The following THSD7B variants were observed in gnomAD, a reference collection of about 807,000 sequenced individuals.
THSD7B encodes thrombospondin type-1 domain-containing protein 7B.
A neutral mutation model predicts 213.6 loss-of-function variants in THSD7B; 138 were observed. That is an observed-to-expected ratio of 0.65 (90% confidence interval 0.56 to 0.74). The LOEUF (loss-of-function observed/expected upper bound fraction) is 0.74, where lower values mean the gene tolerates loss of function less well. THSD7B is among the 30% of genes least tolerant of loss of function. THSD7B has a pLI of 0.00. For missense variants in THSD7B, 1,931 were observed against 1,991.5 expected, an observed-to-expected ratio of 0.97 and a Z score of 0.58; for synonymous variants, 742 against 687.0, an observed-to-expected ratio of 1.08 and a Z score of -1.25.
At chr2:137,293,972 C>A (rs193116481) in intron 12 of THSD7B, among the ~76,000 whole-genome samples, 54 of 152,216 alleles carry the variant, frequency 3.5e-4, no homozygotes, top group African/African-American at 1.2e-3. Flanking sequence ...TTGTAGCTCA[C>A]TTGGCCCTAA....
At chr2:137,585,776 G>C (rs1313338174) in intron 17 of THSD7B, among the ~76,000 whole-genome samples, 1 of 152,120 alleles carries the variant, frequency 6.6e-6, no homozygotes, top group Non-Finnish European at 1.5e-5. Flanking sequence ...GTCAATTTAG[G>C]AATAGGTGCG....
chr2:137,335,779 G>A (rs1684625528), intron 12 of THSD7B, among the ~76,000 whole-genome samples: 1 of 152,262 alleles, frequency 6.6e-6, no homozygotes, highest in African/African-American at 2.4e-5. Flanking sequence ...ACAGAGAATG[G>A]TGATTAGAAT....
intron 15 of THSD7B, among the ~76,000 whole-genome samples, chr2:137,495,060 G>A (rs1054087163): frequency 3.3e-5 from 5 of 152,068 alleles, no homozygotes; most frequent in African/African-American, 1.2e-4. Context: ...CAGTCTAATT[G>A]TTTGTTGTTT....
At position 137,615,360 on chromosome 2, in the gene THSD7B, G is replaced by C. The variant is rs962992653; in HGVS notation, c.3424-815G>C. Among the ~76,000 whole-genome samples, 11 of 152,324 alleles carry C rather than the reference G, an allele frequency of 7.2e-5. 1 individual carries two copies. The highest frequency in any genetic ancestry group is 6.2e-4 in the South Asian group (3 of 4,826). On this transcript the variant is annotated intron_variant, in intron 17 of 27. Transcript: ENST00000409968. ...TGTTAGAAAAAAGACTGACAGGAGT[G>C]AGGCTTGATTAGTGTTCTGAAAACG... is the stretch of plus-strand genomic sequence containing the variant.
At chr2:137,166,562 G>A (rs35924191) in intron 6 of THSD7B, among the ~76,000 whole-genome samples, 9,404 of 152,248 alleles carry the variant, frequency 0.062, 301 homozygotes, top group Admixed American at 0.082. Context: ...CCTTCCCTCA[G>A]TGAGAGCACC....
chr2:136,855,183 GACTTGAATATTATTT>G (rs1397548923), intron 1 of THSD7B, among the ~76,000 whole-genome samples: 2 of 151,720 alleles, frequency 1.3e-5, no homozygotes, highest in African/African-American at 4.8e-5. Context: ...GCATTTTTTT[GACTTGAATATTATTT>G]ACATGTATGA....
At chr2:137,137,685 T>C (rs1679493652) in intron 5 of THSD7B, among the ~76,000 whole-genome samples, 1 of 152,166 alleles carries the variant, frequency 6.6e-6, no homozygotes, top group Non-Finnish European at 1.5e-5. Context: ...CAAAATTGCC[T>C]GATGACACAT....
intron 24 of THSD7B, among the ~76,000 whole-genome samples, chr2:137,657,814 G>A (rs1456826155): frequency 6.6e-6 from 1 of 152,148 alleles, no homozygotes; most frequent in Non-Finnish European, 1.5e-5. Flanking sequence ...TCCCTGGTTT[G>A]AGTGATTCTC....
chr2:136,809,665 T>G (rs1414606424), intron 1 of THSD7B, among the ~76,000 whole-genome samples: 2 of 152,124 alleles, frequency 1.3e-5, no homozygotes, highest in Non-Finnish European at 2.9e-5. Flanking sequence ...AGACTAAAAG[T>G]CTTACGAGGA....
intron 2 of THSD7B, among the ~76,000 whole-genome samples, chr2:136,917,143 G>A (rs2105030098): frequency 1.3e-5 from 2 of 152,260 alleles, no homozygotes; most frequent in Middle Eastern, 3.4e-3. Context: ...TACAAATTAT[G>A]AAGTTTTCCA....
At position 137,232,942 on chromosome 2, in the gene THSD7B, T is replaced by G; in HGVS notation, c.1959T>G (p.Arg653=). The change falls in exon 9 of 28, where the codon CGT becomes CGG. Residue 653 remains arginine (R), a synonymous_variant. Transcript: ENST00000409968. ...CPPSQALQEH[R]LCNDHSCMQL... ...CTAGTCAGGCTCTCCAAGAGCATCG[T>G]TTGTGTAATGACCATTCCTGTATGC... is the stretch of plus-strand genomic sequence containing the variant. 6.2e-7 allele frequency: 1 copy of G among 1,613,954 alleles called. No individual in the cohort carries two copies. The highest frequency in any genetic ancestry group is 1.1e-5 in the South Asian group (1 of 91,084).
intron 6 of THSD7B, among the ~76,000 whole-genome samples, chr2:137,165,838 CA>C (rs1680118247): frequency 1.3e-5 from 2 of 151,358 alleles, no homozygotes; most frequent in Non-Finnish European, 2.9e-5. Flanking sequence ...GAAAAGCAAG[CA>C]AACAACAGCA....
At chr2:137,572,898 G>A (rs72981493) in intron 17 of THSD7B, among the ~76,000 whole-genome samples, 2,714 of 151,954 alleles carry the variant, frequency 0.018, 74 homozygotes, top group African/African-American at 0.062. Context: ...TCTTGGTCCT[G>A]TTCCATTTTT....
intron 12 of THSD7B, among the ~76,000 whole-genome samples, chr2:137,391,399 A>G (rs987860840): frequency 1.3e-5 from 2 of 151,848 alleles, no homozygotes; most frequent in African/African-American, 2.4e-5. Context: ...AAATCTTTTT[A>G]AAGAACAGGC....
At chr2:137,509,064 C>T (rs951711051) in intron 15 of THSD7B, among the ~76,000 whole-genome samples, 14 of 152,152 alleles carry the variant, frequency 9.2e-5, no homozygotes, top group African/African-American at 3.4e-4. Context: ...GTGAATCATT[C>T]TCCCTGGCCA....
chr2:137,090,613 A>G (rs938451498), intron 3 of THSD7B, among the ~76,000 whole-genome samples: 4 of 152,226 alleles, frequency 2.6e-5, no homozygotes, highest in African/African-American at 9.6e-5. Context: ...TACAAAAGAC[A>G]GCATGTTCTA....
At chr2:137,624,904 G>T (rs1682593869) in intron 20 of THSD7B, among the ~76,000 whole-genome samples, 1 of 152,218 alleles carries the variant, frequency 6.6e-6, no homozygotes, top group Admixed American at 6.5e-5. Flanking sequence ...AACCATTGTG[G>T]AAGACAGTGT....
At chr2:137,584,351 C>T (rs1258692167) in intron 17 of THSD7B, among the ~76,000 whole-genome samples, 1 of 152,158 alleles carries the variant, frequency 6.6e-6, no homozygotes, top group African/African-American at 2.4e-5. Context: ...GCCTGATTGC[C>T]TTGGCCAGAA....
intron 1 of THSD7B, among the ~76,000 whole-genome samples, chr2:136,866,813 G>T (rs1683341723): frequency 6.6e-6 from 1 of 152,168 alleles, no homozygotes; most frequent in Non-Finnish European, 1.5e-5. Flanking sequence ...AATGTTGATG[G>T]GATGAATAGA....
Sources: gnomAD v4.1 joint callset for allele counts (sites outside exome capture counted in the v4.1 genomes callset) on GRCh38, gnomAD v4.1.1 for gene constraint, MANE v1.5 for transcripts, NCBI Gene and HGNC (gene_info 2026-07-23, HGNC 2026-07-21) for gene names.